Variants in COL26A1 observed in about 807,000 individuals in gnomAD.
COL26A1 encodes collagen type XXVI alpha 1 chain.
Under a neutral mutation model 59.3 loss-of-function variants are expected in COL26A1, and 41 were observed. The observed-to-expected ratio is 0.69, with a 90% CI of 0.54 to 0.90. The LOEUF is 0.90. Among genes scored for constraint, COL26A1 ranks in the 40% least tolerant of loss-of-function variants. The pLI is 0.00. For synonymous variants in COL26A1, 266 were observed against 256.0 expected (o/e 1.04, Z -0.37); for missense variants, 612 against 602.3 (o/e 1.02, Z -0.17).
intron 3 of COL26A1, among the ~76,000 whole-genome samples, chr7:101,471,745 C>A (rs531222659): frequency 4.6e-5 from 7 of 151,516 alleles, no homozygotes; most frequent in Non-Finnish European, 8.8e-5. Flanking sequence ...GTGCCTGGCT[C>A]ATTTTTGTAT....
At chr7:101,400,712 C>T (rs192769568) in intron 1 of COL26A1, among the ~76,000 whole-genome samples, 1 of 152,206 alleles carries the variant, frequency 6.6e-6, no homozygotes, top group East Asian at 1.9e-4. Context: ...GTGCACATCA[C>T]CATGCCCAGC....
intron 1 of COL26A1, among the ~76,000 whole-genome samples, chr7:101,371,264 C>G (rs530571202): frequency 6.6e-6 from 1 of 152,322 alleles, no homozygotes; most frequent in South Asian, 2.1e-4. Flanking sequence ...AGTGGATGAT[C>G]ACATCCATGG....
At chr7:101,552,292 C>T (rs774657422) in intron 10 of COL26A1, among the ~76,000 whole-genome samples, 1 of 152,146 alleles carries the variant, frequency 6.6e-6, no homozygotes, top group Non-Finnish European at 1.5e-5. Flanking sequence ...CAAGGCCACA[C>T]AGTAGTAGCT....
intron 3 of COL26A1, among the ~76,000 whole-genome samples, chr7:101,452,772 A>T (rs886473467): frequency 6.6e-6 from 1 of 151,674 alleles, no homozygotes; most frequent in Non-Finnish European, 1.5e-5. Context: ...ATTATTTATT[A>T]ATTTTTTTTT....
intron 3 of COL26A1, among the ~76,000 whole-genome samples, chr7:101,514,624 G>T (rs11972680): frequency 0.013 from 1,975 of 152,286 alleles, 48 homozygotes; most frequent in African/African-American, 0.045. Flanking sequence ...GGCTCTGGGG[G>T]TGGGTGGGGC....
At chr7:101,546,836 G>A (rs761239190) in intron 7 of COL26A1, among the ~76,000 whole-genome samples, 7 of 151,218 alleles carry the variant, frequency 4.6e-5, no homozygotes, top group Non-Finnish European at 1.0e-4. Context: ...CCTGTGGGAT[G>A]GAGCCTGGAA....
chr7:101,521,429 T>G (rs1426161514), intron 3 of COL26A1, among the ~76,000 whole-genome samples: 1 of 152,094 alleles, frequency 6.6e-6, no homozygotes, highest in Non-Finnish European at 1.5e-5. Flanking sequence ...GTGTACAGGG[T>G]GCATGGCAAT....
chr7:101,457,966 G>C lies in COL26A1; in HGVS notation c.385+10179G>C, dbSNP rs187682230. On this transcript the variant is annotated intron_variant, in intron 3 of 12. Coordinates refer to ENST00000313669, the MANE Select transcript of COL26A1 (RefSeq NM_001278563.3). The stretch of plus-strand genomic sequence containing the variant: ...AGCAGGAGAGCAATGGCACGATCTC[G>C]GCTCATTGCAACCTCCGCCTCCTGG... 3.9e-3 allele frequency among the ~76,000 whole-genome samples: 570 copies of C among 147,550 alleles called. 21 individuals carry two copies. The highest frequency in any genetic ancestry group is 0.038 in the Admixed American group (545 of 14,482).
At chr7:101,541,423 C>T (rs969897224) in intron 5 of COL26A1, among the ~76,000 whole-genome samples, 1 of 152,114 alleles carries the variant, frequency 6.6e-6, no homozygotes, top group African/African-American at 2.4e-5. Flanking sequence ...TAGTTCACTG[C>T]AGCCTTCATC....
chr7:101,407,857 C>A (rs549326838), intron 1 of COL26A1, among the ~76,000 whole-genome samples: 1 of 152,106 alleles, frequency 6.6e-6, no homozygotes, highest in Non-Finnish European at 1.5e-5. Context: ...ACCACTTAAT[C>A]ATATGCAAAT....
intron 3 of COL26A1, among the ~76,000 whole-genome samples, chr7:101,517,759 T>C (rs1795059256): frequency 6.7e-6 from 1 of 149,886 alleles, no homozygotes; most frequent in Non-Finnish European, 1.5e-5. Context: ...GCTCCAGGGC[T>C]TCCCCCACTG....
At chr7:101,363,809 A>T (rs1584340034) in intron 1 of COL26A1, among the ~76,000 whole-genome samples, 1 of 152,082 alleles carries the variant, frequency 6.6e-6, no homozygotes, top group East Asian at 1.9e-4. Context: ...TCGGCCGCTC[A>T]CGTGGCTCTG....
rs11762601 is a variant in COL26A1 at position 101,557,767 on chromosome 7, A to C, written c.*237A>C. The C allele has an allele frequency of 0.33, 152,658 of 458,990 alleles. 27,723 individuals carry two copies. The highest frequency in any genetic ancestry group is 0.42 in the Middle Eastern group (751 of 1,774). The allele number at this position is 458,990 out of a possible 1,614,324, so 28.4% of individuals were successfully genotyped here. A position where few individuals can be genotyped will look rare whatever the true frequency, so the allele number is the denominator to read the frequency against. On this transcript the variant is annotated 3_prime_UTR_variant, in exon 13 of 13. Transcript: ENST00000313669. ...CTCCCCTACCCCCACTCCCGGCTGG[A>C]GACGGGGTCTGGGTGGGCTGGGTGC...
In COL26A1 at chr7:101,559,008, A is replaced by AAAG. The variant is rs1251260233; in HGVS notation, c.*1479_*1481dup. Reference sequence around the variant, plus strand: ...TAGCGTTATTATTATATGTGACAATAAAGGTGCTCTCCCCACTGTGGGTCT... The same window carrying AAAG: ...TAGCGTTATTATTATATGTGACAATAAAGAAGGTGCTCTCCCCACTGTGGGTCT... On this transcript the variant is annotated 3_prime_UTR_variant, in exon 13 of 13. Coordinates refer to ENST00000313669, the MANE Select transcript of COL26A1 (RefSeq NM_001278563.3). 3.3e-5 allele frequency: 5 copies of AAAG among 152,318 alleles called. No homozygotes were observed. The highest frequency in any genetic ancestry group is 1.2e-4 in the African/African-American group (5 of 41,544). 9.4% of individuals were successfully genotyped at this position (152,318 alleles called of 1,614,324 possible). A position where few individuals can be genotyped will look rare whatever the true frequency, so the allele number is the denominator to read the frequency against.
In COL26A1 at chr7:101,527,252, T is replaced by C. The variant is rs148012507; in HGVS notation, c.386-5830T>C. ...TCCCAAAGGGCTGGGATGACACGCA[T>C]GAGCCACCCCACCTGGCCTGCTCTC... On this transcript the variant is annotated intron_variant, in intron 3 of 12. Transcript: ENST00000313669. Among the ~76,000 whole-genome samples, 1,198 of 152,250 alleles carry C rather than the reference T, an allele frequency of 7.9e-3. 13 individuals are homozygous for C. Among genetic ancestry groups the C allele is most frequent in the African/African-American group, 0.027 (1,106 of 41,546 alleles).
intron 2 of COL26A1, among the ~76,000 whole-genome samples, chr7:101,440,242 TGTAATCC>T (rs1793020143): frequency 6.6e-6 from 1 of 151,982 alleles, no homozygotes; most frequent in Non-Finnish European, 1.5e-5. Flanking sequence ...GGTGTGCGCC[TGTAATCC>T]CAGCTACTCA....
intron 2 of COL26A1, among the ~76,000 whole-genome samples, chr7:101,438,916 G>A (rs116238494): frequency 0.017 from 2,619 of 152,140 alleles, 99 homozygotes; most frequent in African/African-American, 0.06. Context: ...ACTCCAAGAC[G>A]ATCCACCCGT....
At chr7:101,515,822 C>T (rs1445730588) in intron 3 of COL26A1, among the ~76,000 whole-genome samples, 1 of 152,118 alleles carries the variant, frequency 6.6e-6, no homozygotes, top group Non-Finnish European at 1.5e-5. Flanking sequence ...CTTCTGGCCT[C>T]CAGTGATCTG....
intron 3 of COL26A1, among the ~76,000 whole-genome samples, chr7:101,491,553 T>C (rs967866500): frequency 6.6e-6 from 1 of 152,204 alleles, no homozygotes; most frequent in South Asian, 2.1e-4. Flanking sequence ...TGAGGGGTGC[T>C]GGTTGCCCAT....
Sources: allele counts gnomAD v4.1 joint callset (sites outside exome capture counted in the v4.1 genomes callset), GRCh38; gene constraint gnomAD v4.1.1; transcripts MANE v1.5; gene names NCBI Gene and HGNC (gene_info 2026-07-23, HGNC 2026-07-21).